The following ECHDC1 variants were observed in gnomAD, a reference collection of about 807,000 sequenced individuals.
ECHDC1 encodes the protein ethylmalonyl-CoA decarboxylase 1, also known as ethylmalonyl-CoA decarboxylase.
In ECHDC1, 29 loss-of-function variants were observed where a neutral mutation model predicts 29.7. That is an observed-to-expected ratio of 0.98 (90% CI 0.73 to 1.33). The LOEUF (loss-of-function observed/expected upper bound fraction) is 1.33. ECHDC1 is among the 40% of genes most tolerant of loss of function. ECHDC1 has a pLI of 0.00. For missense variants in ECHDC1, 328 were observed against 350.0 expected, an observed-to-expected ratio of 0.94 and a Z score of 0.50; for synonymous variants, 126 against 123.1, an observed-to-expected ratio of 1.02 and a Z score of -0.15.
intron 5 of ECHDC1, among the ~76,000 whole-genome samples, chr6:127,302,494 G>A (rs765326385): frequency 1.3e-5 from 2 of 151,908 alleles, no homozygotes; most frequent in Non-Finnish European, 2.9e-5. Context: ...CTGCCTCCCG[G>A]GTTCAAGTGA....
chr6:127,324,536 A>G (rs764917187), intron 3 of ECHDC1, among the ~76,000 whole-genome samples: 1 of 152,194 alleles, frequency 6.6e-6, no homozygotes, highest in African/African-American at 2.4e-5. Flanking sequence ...AATGTACTTG[A>G]AAAACAGAAA....
At chr6:127,308,483 T>C (rs1781625090) in intron 5 of ECHDC1, among the ~76,000 whole-genome samples, 1 of 152,118 alleles carries the variant, frequency 6.6e-6, no homozygotes, top group African/African-American at 2.4e-5. Flanking sequence ...AAACTAGGTA[T>C]AGAAGGAACA....
chr6:127,309,126 C>T (rs1452299497), intron 5 of ECHDC1, among the ~76,000 whole-genome samples: 1 of 151,960 alleles, frequency 6.6e-6, no homozygotes, highest in Non-Finnish European at 1.5e-5. Flanking sequence ...TATGGAACCA[C>T]AAAAAACACA....
intron 5 of ECHDC1, among the ~76,000 whole-genome samples, chr6:127,295,612 T>C (rs1310660964): frequency 6.6e-6 from 1 of 152,246 alleles, no homozygotes; most frequent in African/African-American, 2.4e-5. Context: ...TAAAAGATTA[T>C]ACTCATTGTA....
chr6:127,339,759 C>T (rs945792519), intron 1 of ECHDC1, among the ~76,000 whole-genome samples: 1 of 121,830 alleles, frequency 8.2e-6, no homozygotes, highest in Non-Finnish European at 1.7e-5. Context: ...GGTGACAGAG[C>T]GAGAGACTCT....
intron 5 of ECHDC1, among the ~76,000 whole-genome samples, chr6:127,298,325 C>CTT (rs34528623): frequency 2.2e-4 from 34 of 151,602 alleles, no homozygotes; most frequent in Admixed American, 1.2e-3. Context: ...TGTGTACATG[C>CTT]TTTTTTTTGC....
chr6:127,328,537 C>G (rs919801090), intron 2 of ECHDC1, among the ~76,000 whole-genome samples: 1 of 152,116 alleles, frequency 6.6e-6, no homozygotes, highest in Non-Finnish European at 1.5e-5. Context: ...AGAATGCATC[C>G]CCATCACAAA....
At chr6:127,311,319 C>G (rs986743232) in intron 5 of ECHDC1, among the ~76,000 whole-genome samples, 1 of 152,106 alleles carries the variant, frequency 6.6e-6, no homozygotes, top group African/African-American at 2.4e-5. Flanking sequence ...CTACTTTGAA[C>G]AAGGCAGCCA....
At chr6:127,293,299 GTTGA>G (rs1225223057) in intron 5 of ECHDC1, among the ~76,000 whole-genome samples, 4 of 152,142 alleles carry the variant, frequency 2.6e-5, no homozygotes, top group Admixed American at 1.3e-4. Context: ...TTTTTGTAAT[GTTGA>G]TTATTAAAGC....
intron 2 of ECHDC1, among the ~76,000 whole-genome samples, chr6:127,329,363 T>A (rs1395764714): frequency 1.4e-5 from 1 of 72,610 alleles, no homozygotes. Flanking sequence ...ATATTATGCA[T>A]CAAAATAATA....
chr6:127,305,871 A>G (rs917637979), intron 5 of ECHDC1, among the ~76,000 whole-genome samples: 6 of 152,108 alleles, frequency 3.9e-5, no homozygotes, highest in Non-Finnish European at 8.8e-5. Context: ...CATCACAAAA[A>G]GGAAGAAGAA....
chr6:127,292,484 G>A (rs1349550789), intron 5 of ECHDC1, among the ~76,000 whole-genome samples: 1 of 151,782 alleles, frequency 6.6e-6, no homozygotes, highest in Admixed American at 6.6e-5. Context: ...TTTGCAAATT[G>A]TATACCTCGG....
intron 1 of ECHDC1, chr6:127,331,862 A>G (rs567845531): frequency 2.0e-6 from 2 of 985,384 alleles, no homozygotes; most frequent in Admixed American, 1.2e-4. Context: ...AAAGCTGGAA[A>G]GGGTCCTAAG....
At chr6:127,319,247 T>G (rs1378651355) in intron 3 of ECHDC1, among the ~76,000 whole-genome samples, 1 of 152,202 alleles carries the variant, frequency 6.6e-6, no homozygotes. Context: ...ACTTTCTAAT[T>G]AGTTTGACTT....
chr6:127,309,549 A>G (rs139389313), intron 5 of ECHDC1, among the ~76,000 whole-genome samples: 1 of 150,440 alleles, frequency 6.6e-6, no homozygotes, highest in African/African-American at 2.5e-5. Flanking sequence ...GAAAAAATAG[A>G]TTAAAGACAA....
chr6:127,330,895 G>A lies in ECHDC1; in HGVS notation c.134C>T (p.Pro45Leu), dbSNP rs375598259. ...EEVKKTLQQF[P>L]GGSIDLQKED... is the part of the protein sequence containing the mutation. ...CTTCTGAAGGTCAATGGATCCACCAGGAAACTGCTGAAGTGTTTTTTTCAC... is the reference window on the plus strand; with the variant it reads ...CTTCTGAAGGTCAATGGATCCACCAAGAAACTGCTGAAGTGTTTTTTTCAC... Residue 45 changes from proline (P) to leucine (L), a missense_variant, in exon 2 of 6, where the codon CCT becomes CTT. Coordinates refer to ENST00000454859, the MANE Select transcript of ECHDC1 (RefSeq NM_001002030.2). 69 of 1,613,978 alleles carry A rather than the reference G, an allele frequency of 4.3e-5. No individual in the cohort carries two copies. Among genetic ancestry groups the A allele is most frequent in the African/African-American group, 1.6e-4 (12 of 74,906 alleles).
chr6:127,315,696 G>T, intron 4 of ECHDC1: 1 of 289,900 alleles, frequency 3.4e-6, no homozygotes. Flanking sequence ...AATAGGAAAA[G>T]GAGGTGAATA....
chr6:127,314,885 AT>A lies in ECHDC1; in HGVS notation c.427del (p.Ile143Ter), dbSNP rs1562318547. 6.2e-7 allele frequency: 1 copy of A among 1,611,874 alleles called. No homozygotes were observed. The highest frequency in any genetic ancestry group is 1.1e-5 in the South Asian group (1 of 90,402). ...CCAACCTTGAACCAGCGCAACACTT[AT>A]TAAAGGAAGTCTGTATATTGAAGAA... ...TLTRFMRLPL[I>X]SVALVQGWAL... On this transcript the variant is annotated frameshift_variant, in exon 5 of 6. Coordinates refer to ENST00000454859, the MANE Select transcript of ECHDC1 (RefSeq NM_001002030.2). LOFTEE classifies it high-confidence loss of function.
intron 5 of ECHDC1, among the ~76,000 whole-genome samples, chr6:127,310,113 G>T (rs183511693): frequency 1.3e-5 from 2 of 152,140 alleles, no homozygotes; most frequent in Non-Finnish European, 2.9e-5. Context: ...TTGGCAGGGG[G>T]ATGGGGATAG....
Sources: allele counts gnomAD v4.1 joint callset (sites outside exome capture counted in the v4.1 genomes callset), GRCh38; gene constraint gnomAD v4.1.1; transcripts MANE v1.5; gene names NCBI Gene and HGNC (gene_info 2026-07-23, HGNC 2026-07-21).